SGCZ: variants seen among roughly 807,000 people sequenced by gnomAD.
SGCZ encodes sarcoglycan zeta, also known as zeta-sarcoglycan.
In SGCZ, 40 loss-of-function variants were observed where a neutral mutation model predicts 41.3. The ratio of observed to expected loss-of-function variants is 0.97; its 90% CI spans 0.75 to 1.26. SGCZ has a LOEUF of 1.26. SGCZ is among the 50% of genes most tolerant of loss of function. The probability of loss-of-function intolerance (pLI) is 0.00; values close to 1 mark genes in which losing one functional copy is unlikely to be tolerated. For synonymous variants in SGCZ, 206 were observed against 137.5 expected (o/e 1.50, Z -3.49); for missense variants, 552 against 369.8 (o/e 1.49, Z -4.04).
rs570986743 is a variant in SGCZ, at chr8:14,377,297, G to C, written c.235-53093C>G. ...AGGGCTTCTACATTGGTGAACACAT[G>C]GAGGTTTGGGAGGGTGGTGTGCATG... On this transcript the variant is annotated intron_variant, in intron 2 of 7. Coordinates refer to ENST00000382080, the MANE Select transcript of SGCZ (RefSeq NM_139167.4). 5.8e-4 allele frequency among the ~76,000 whole-genome samples: 89 copies of C among 152,174 alleles called. 1 individual carries two copies. The highest frequency in any genetic ancestry group is 2.0e-3 in the African/African-American group (85 of 41,520).
At chr8:14,866,310 C>G (rs947238279) in intron 1 of SGCZ, among the ~76,000 whole-genome samples, 4 of 152,004 alleles carry the variant, frequency 2.6e-5, no homozygotes, top group African/African-American at 9.7e-5. Flanking sequence ...CGGGGCCAAT[C>G]AATGGAATTG....
intron 1 of SGCZ, among the ~76,000 whole-genome samples, chr8:14,781,507 G>A (rs746372790): frequency 1.3e-5 from 2 of 152,098 alleles, no homozygotes; most frequent in African/African-American, 2.4e-5. Context: ...GGCATTTACA[G>A]CCTGAGCCAC....
intron 1 of SGCZ, among the ~76,000 whole-genome samples, chr8:14,640,649 GGTGTGT>G (rs3068698): frequency 0.46 from 69,495 of 149,832 alleles, 16,391 homozygotes; most frequent in East Asian, 0.68. Flanking sequence ...TATATATAGG[GGTGTGT>G]GTGTGTGTGT....
rs75537592 is a variant in SGCZ, at chr8:15,092,173, G to C, written c.39+145412C>G. Among the ~76,000 whole-genome samples, 1,303 of 152,278 alleles carry C rather than the reference G, an allele frequency of 8.6e-3. 18 individuals carry two copies. Among genetic ancestry groups the C allele is most frequent in the African/African-American group, 0.028 (1,169 of 41,544 alleles). ...CAGTCATGGAACATAAATCATGTGA[G>C]ACTCAGTGACTCTATAACCTTAGAC... On this transcript the variant is annotated intron_variant, in intron 1 of 7. Coordinates refer to ENST00000382080, the MANE Select transcript of SGCZ (RefSeq NM_139167.4).
At chr8:14,245,204 C>A (rs1799041279) in intron 3 of SGCZ, among the ~76,000 whole-genome samples, 1 of 152,038 alleles carries the variant, frequency 6.6e-6, no homozygotes, top group Non-Finnish European at 1.5e-5. Context: ...AGTTTTTGCC[C>A]ATTCAGTATG....
At chr8:14,306,818 A>G (rs1159799227) in intron 3 of SGCZ, among the ~76,000 whole-genome samples, 1 of 152,248 alleles carries the variant, frequency 6.6e-6, no homozygotes, top group Non-Finnish European at 1.5e-5. Context: ...ACTTATAAAA[A>G]GAATGGATGC....
chr8:14,714,777 A>G (rs1044949226), intron 1 of SGCZ, among the ~76,000 whole-genome samples: 1 of 152,220 alleles, frequency 6.6e-6, no homozygotes, highest in Non-Finnish European at 1.5e-5. Context: ...TATATATTTA[A>G]GAACAATGGA....
At chr8:14,777,544 G>C (rs1467600467) in intron 1 of SGCZ, among the ~76,000 whole-genome samples, 1 of 152,072 alleles carries the variant, frequency 6.6e-6, no homozygotes, top group Non-Finnish European at 1.5e-5. Flanking sequence ...ATTGCTTTTA[G>C]TCTTCATGTA....
chr8:14,625,533 G>C (rs1175712269), intron 1 of SGCZ, among the ~76,000 whole-genome samples: 1 of 152,128 alleles, frequency 6.6e-6, no homozygotes, highest in African/African-American at 2.4e-5. Flanking sequence ...TTCATACCTA[G>C]AGGACATTTA....
chr8:14,715,094 G>T (rs1809645304), intron 1 of SGCZ, among the ~76,000 whole-genome samples: 1 of 152,040 alleles, frequency 6.6e-6, no homozygotes, highest in Non-Finnish European at 1.5e-5. Flanking sequence ...AACAAAAAGG[G>T]AAAAGAACAC....
intron 3 of SGCZ, among the ~76,000 whole-genome samples, chr8:14,304,900 G>C (rs1438260525): frequency 6.6e-6 from 1 of 151,990 alleles, no homozygotes; most frequent in Non-Finnish European, 1.5e-5. Flanking sequence ...GCCTAAAGTA[G>C]AAAATAAAAC....
At chr8:14,172,700 TAC>T (rs1393016098) in intron 4 of SGCZ, among the ~76,000 whole-genome samples, 1 of 151,998 alleles carries the variant, frequency 6.6e-6, no homozygotes, top group African/African-American at 2.4e-5. Flanking sequence ...CAAATCACAG[TAC>T]AGGGAAATAG....
chr8:14,113,923 G>A lies in SGCZ; in HGVS notation c.548-5688C>T, dbSNP rs28648963. Among the ~76,000 whole-genome samples, 368 of 151,988 alleles carry A rather than the reference G, an allele frequency of 2.4e-3. 1 individual carries two copies. The highest frequency in any genetic ancestry group is 8.2e-3 in the African/African-American group (342 of 41,496). The stretch of plus-strand genomic sequence containing the variant: ...GCAACCTCTTTCTCCTCATTTGATG[G>A]TAATCTCTTCTCATTTTTCAAGATC... On this transcript the variant is annotated intron_variant, in intron 5 of 7. Transcript: ENST00000382080.
chr8:14,278,286 G>A (rs188539310), intron 3 of SGCZ, among the ~76,000 whole-genome samples: 80 of 152,106 alleles, frequency 5.3e-4, no homozygotes, highest in Non-Finnish European at 1.0e-3. Flanking sequence ...CTATGACCAC[G>A]TGCACATAAA....
rs74840204 is a variant in SGCZ at position 15,232,946 on chromosome 8, C to G, written c.39+4639G>C. 7.9e-3 allele frequency among the ~76,000 whole-genome samples: 1,189 copies of G among 151,174 alleles called. 15 individuals carry two copies. The highest frequency in any genetic ancestry group is 0.027 in the African/African-American group (1,127 of 41,316). On this transcript the variant is annotated intron_variant, in intron 1 of 7. Transcript: ENST00000382080. ...ATGTATAGTAACATCACAGTATAAC[C>G]CATAAATGTATACAGTTGTAGTTTA...
At chr8:15,061,824 A>G (rs1174637471) in intron 1 of SGCZ, among the ~76,000 whole-genome samples, 1 of 152,158 alleles carries the variant, frequency 6.6e-6, no homozygotes, top group Non-Finnish European at 1.5e-5. Flanking sequence ...TTTTGGTATA[A>G]CAGCACAATC....
chr8:14,142,308 G>C (rs534595214), intron 5 of SGCZ, among the ~76,000 whole-genome samples: 1 of 152,078 alleles, frequency 6.6e-6, no homozygotes, highest in East Asian at 1.9e-4. Flanking sequence ...CTGGAACTTA[G>C]AGTATAATAA....
intron 1 of SGCZ, among the ~76,000 whole-genome samples, chr8:14,980,282 C>T (rs944633499): frequency 1.3e-5 from 2 of 152,136 alleles, no homozygotes; most frequent in Admixed American, 6.6e-5. Flanking sequence ...AGAACAGAGA[C>T]GGTCCAGAGG....
chr8:14,252,504 G>A (rs910175856), intron 3 of SGCZ, among the ~76,000 whole-genome samples: 1 of 151,986 alleles, frequency 6.6e-6, no homozygotes, highest in African/African-American at 2.4e-5. Flanking sequence ...AATTTCACTC[G>A]AGGTAGCCCA....
Sources: gnomAD v4.1 joint callset for allele counts (sites outside exome capture counted in the v4.1 genomes callset) on GRCh38, gnomAD v4.1.1 for gene constraint, MANE v1.5 for transcripts, NCBI Gene and HGNC (gene_info 2026-07-23, HGNC 2026-07-21) for gene names.